The following LOC128462377 variants were observed in gnomAD, a reference collection of about 807,000 sequenced individuals.
At chr16:89,328,522 G>T in the LOC128462377 span, among the ~76,000 whole-genome samples, 1 of 152,238 alleles carries the variant, frequency 6.6e-6, no homozygotes, top group Admixed American at 6.5e-5. Context: ...GGATGGCTAT[G>T]GATACACCCA....
chr16:89,364,757 T>C, the LOC128462377 span, among the ~76,000 whole-genome samples: 14 of 152,196 alleles, frequency 9.2e-5, no homozygotes, highest in Non-Finnish European at 1.9e-4. Flanking sequence ...TCTCACACTG[T>C]TCCCTGTCAG....
the LOC128462377 span, among the ~76,000 whole-genome samples, chr16:89,350,031 C>A: frequency 5.3e-3 from 811 of 152,264 alleles, 1 homozygote; most frequent in Non-Finnish European, 8.6e-3. Flanking sequence ...AAAGTGAAGA[C>A]ACATGCTTCA....
At chr16:89,418,270 C>T in the LOC128462377 span, 24 of 453,814 alleles carry the variant, frequency 5.3e-5, 1 homozygote, top group African/African-American at 4.4e-4. Flanking sequence ...ATAGAGAATG[C>T]AGTGAGTATT....
At chr16:89,334,157 A>C in the LOC128462377 span, among the ~76,000 whole-genome samples, 1 of 139,560 alleles carries the variant, frequency 7.2e-6, no homozygotes, top group African/African-American at 2.7e-5. Flanking sequence ...AAAAAAAAAA[A>C]AAAAAAAAAA....
At chr16:89,346,205 G>A in the LOC128462377 span, among the ~76,000 whole-genome samples, 460 of 140,786 alleles carry the variant, frequency 3.3e-3, 1 homozygote, top group African/African-American at 0.012. Context: ...CCAAGATCAC[G>A]CCACGGCACT....
the LOC128462377 span, among the ~76,000 whole-genome samples, chr16:89,319,266 A>C: frequency 5.9e-5 from 9 of 152,156 alleles, no homozygotes; most frequent in Admixed American, 5.9e-4. Context: ...TGCGGGGCTT[A>C]TCACTTCACT....
chr16:89,389,131 A>C, the LOC128462377 span, among the ~76,000 whole-genome samples: 1 of 151,680 alleles, frequency 6.6e-6, no homozygotes, highest in Admixed American at 6.6e-5. Context: ...CAATCCTCCC[A>C]CCTCAGCCTT....
At chr16:89,359,972 G>C in the LOC128462377 span, among the ~76,000 whole-genome samples, 23 of 152,122 alleles carry the variant, frequency 1.5e-4, no homozygotes, top group Admixed American at 1.0e-3. Context: ...CAGTGGGCGG[G>C]GGGGGAGGTT....
chr16:89,409,438 C>A, the LOC128462377 span, among the ~76,000 whole-genome samples: 12 of 152,164 alleles, frequency 7.9e-5, no homozygotes, highest in African/African-American at 2.7e-4. Context: ...TCCTGTGGGT[C>A]GTCTTGTGCA....
the LOC128462377 span, among the ~76,000 whole-genome samples, chr16:89,398,789 T>C: frequency 3.3e-5 from 5 of 151,692 alleles, no homozygotes; most frequent in East Asian, 9.7e-4. Context: ...AAGCCCAGGT[T>C]AGAAATTACT....
the LOC128462377 span, among the ~76,000 whole-genome samples, chr16:89,397,330 C>A: frequency 6.6e-6 from 1 of 152,222 alleles, no homozygotes; most frequent in Non-Finnish European, 1.5e-5. Context: ...TCCACGGATT[C>A]CACCGTAAGT....
At chr16:89,397,860 C>T in the LOC128462377 span, among the ~76,000 whole-genome samples, 1 of 152,248 alleles carries the variant, frequency 6.6e-6, no homozygotes, top group East Asian at 1.9e-4. Flanking sequence ...ACCACCAGCA[C>T]ACAAACCTTC....
At chr16:89,354,269 C>A in the LOC128462377 span, among the ~76,000 whole-genome samples, 1 of 147,236 alleles carries the variant, frequency 6.8e-6, no homozygotes, top group African/African-American at 2.5e-5. Context: ...AAGAAAACTT[C>A]ATGTTGAAAC....
chr16:89,401,313 G>A, the LOC128462377 span, among the ~76,000 whole-genome samples: 1 of 151,984 alleles, frequency 6.6e-6, no homozygotes, highest in Admixed American at 6.6e-5. Flanking sequence ...TCCTGACCTC[G>A]TGATCCACCC....
the LOC128462377 span, among the ~76,000 whole-genome samples, chr16:89,325,909 T>C: frequency 2.6e-5 from 4 of 152,242 alleles, no homozygotes; most frequent in African/African-American, 7.2e-5. Flanking sequence ...CTCAAGGGCA[T>C]GAGCATGACG....
At chr16:89,367,264 C>T in the LOC128462377 span, among the ~76,000 whole-genome samples, 13 of 152,344 alleles carry the variant, frequency 8.5e-5, no homozygotes, top group South Asian at 2.1e-3. Flanking sequence ...GTGGGTAGAG[C>T]GCCGCTCCAG....
At chr16:89,396,548 T>G in the LOC128462377 span, among the ~76,000 whole-genome samples, 1 of 152,200 alleles carries the variant, frequency 6.6e-6, no homozygotes. Context: ...ATTTTTTTTT[T>G]GTATACTTCA....
chr16:89,369,001 G>C, the LOC128462377 span, among the ~76,000 whole-genome samples: 5 of 152,104 alleles, frequency 3.3e-5, no homozygotes, highest in African/African-American at 1.2e-4. Flanking sequence ...AGAGACTTGG[G>C]AGTCAACCAA....
At chr16:89,350,428 C>T in the LOC128462377 span, among the ~76,000 whole-genome samples, 1 of 152,186 alleles carries the variant, frequency 6.6e-6, no homozygotes, top group African/African-American at 2.4e-5. Flanking sequence ...ATGTCTATAA[C>T]TGCTTATTGG....
Sources: gnomAD v4.1 joint callset for allele counts (sites outside exome capture counted in the v4.1 genomes callset) on GRCh38, gnomAD v4.1.1 for gene constraint, MANE v1.5 for transcripts.